FBN3: variants seen among roughly 807,000 people sequenced by gnomAD.
FBN3 encodes the protein fibrillin-3.
In FBN3, 234 loss-of-function variants were observed where a neutral mutation model predicts 330.1. That is an observed-to-expected ratio of 0.71 (90% CI 0.64 to 0.79). The LOEUF is 0.79. Among genes scored for constraint, FBN3 ranks in the 30% least tolerant of loss-of-function variants. The probability of loss-of-function intolerance (pLI) is 0.00; values close to 1 mark genes in which losing one functional copy is unlikely to be tolerated. For synonymous variants in FBN3, 1,458 were observed against 1,517.3 expected (o/e 0.96, Z 0.91); for missense variants, 3,606 against 3,886.9 (o/e 0.93, Z 1.92).
chr19:8,117,031 C>A, intron 28 of FBN3, 138 bp downstream of exon 28: 5 of 1,385,026 alleles, frequency 3.6e-6, no homozygotes, highest in Non-Finnish European at 4.9e-6. Context: ...GGGGCCAGGA[C>A]CACAGGCCAG....
chr19:8,083,144 C>T (rs560028644), intron 57 of FBN3, 103 bp downstream of exon 57: 2 of 1,404,552 alleles, frequency 1.4e-6, no homozygotes, highest in Non-Finnish European at 2.0e-6. Flanking sequence ...TAAATGAAAG[C>T]CTAACATTGC....
Position 8,112,115 on chromosome 19 carries a change from G to A in FBN3, c.3839-16C>T. 6.2e-7 allele frequency: 1 copy of A among 1,610,486 alleles called. No homozygotes were observed. Among genetic ancestry groups the A allele is most frequent in the Non-Finnish European group, 8.5e-7 (1 of 1,177,954 alleles). On this transcript the variant is annotated splice_polypyrimidine_tract_variant and intron_variant, in intron 30 of 63. Coordinates refer to ENST00000600128, the MANE Select transcript of FBN3 (RefSeq NM_032447.5). ...TCATCCACATCTAAAGGGAGAGGAGGCACGACGCCAAGACCCAGTCACAGA... is the reference window on the plus strand; with the variant it reads ...TCATCCACATCTAAAGGGAGAGGAGACACGACGCCAAGACCCAGTCACAGA...
chr19:8,074,422 G>A (rs972319628), intron 61 of FBN3, among the ~76,000 whole-genome samples: 1 of 152,162 alleles, frequency 6.6e-6, no homozygotes, highest in Non-Finnish European at 1.5e-5. Flanking sequence ...ACATCACAAA[G>A]GCCACAGGAG....
intron 41 of FBN3, among the ~76,000 whole-genome samples, chr19:8,099,276 ATTTTT>A (rs386388494): frequency 0.018 from 1,744 of 98,872 alleles, 36 homozygotes; most frequent in African/African-American, 0.051. Flanking sequence ...TCATGGTTTG[ATTTTT>A]TTTTTTTTTT....
At chr19:8,117,769 T>A (rs1205465980) in intron 26 of FBN3, among the ~76,000 whole-genome samples, 180 bp from the exon 27 acceptor site, 4 of 152,002 alleles carry the variant, frequency 2.6e-5, no homozygotes, top group Admixed American at 2.6e-4. Flanking sequence ...CACTCTCCTA[T>A]AAGCACAGAC....
chr19:8,114,559 A>T lies in FBN3; in HGVS notation c.3838+956T>A, dbSNP rs566294535. Among the ~76,000 whole-genome samples the T allele has an allele frequency of 2.1e-3, 321 of 151,898 alleles. 1 individual carries two copies. Among genetic ancestry groups the T allele is most frequent in the Non-Finnish European group, 3.9e-3 (265 of 67,944 alleles). The stretch of plus-strand genomic sequence containing the variant: ...TACCCTGCCCAGGCTAATTTTTAAA[A>T]TTTTTAATATAGATGGGGTTGCTGT... On this transcript the variant is annotated intron_variant, in intron 30 of 63. Transcript: ENST00000600128.
At position 8,131,868 on chromosome 19, in the gene FBN3, T is replaced by C. The variant is rs772104352; in HGVS notation, c.1715-39A>G. ...GGCGGCACGGGGATGGGTTCCAGCG[T>C]GCTCCCTTCCTCTCTCCCCTCCCCA... is the stretch of plus-strand genomic sequence containing the variant. On this transcript the variant is annotated intron_variant, in intron 14 of 63. Coordinates refer to ENST00000600128, the MANE Select transcript of FBN3 (RefSeq NM_032447.5). This position sits in a 1 kb window ranked among gnomAD's most constrained non-coding sequence, Gnocchi z 4.5. 1.3e-6 allele frequency: 2 copies of C among 1,517,188 alleles called. No homozygotes were observed. The highest frequency in any genetic ancestry group is 2.8e-5 in the African/African-American group (2 of 72,474). 94.0% of individuals were successfully genotyped at this position (1,517,188 alleles called of 1,614,324 possible).
Position 8,132,996 on chromosome 19 carries a change from G to T in FBN3, c.1702C>A (p.His568Asn). 6.4e-7 allele frequency: 1 copy of T among 1,563,252 alleles called. No individual in the cohort carries two copies. The change falls in exon 14 of 64, where the codon CAC becomes AAC. Residue 568 changes from histidine to asparagine, a missense_variant. Transcript: ENST00000600128. The part of the protein sequence containing the change: ...KPGFLLAPGG[H>N]YCMDIDECQT... ...GCTCCAGGCTCACCCATGCAGTAGT[G>T]GCCGCCAGGCGCCAGCAGGAAGCCG...
At chr19:8,100,154 C>G (rs556149678) in intron 41 of FBN3, among the ~76,000 whole-genome samples, 123 of 152,200 alleles carry the variant, frequency 8.1e-4, no homozygotes, top group African/African-American at 2.8e-3. Context: ...CTAGAACCGT[C>G]AGATTCACAG....
At chr19:8,141,384 A>T (rs867124210) in intron 8 of FBN3, among the ~76,000 whole-genome samples, 1 of 146,512 alleles carries the variant, frequency 6.8e-6, no homozygotes, top group Admixed American at 6.8e-5. Context: ...AAAAAAAAAA[A>T]AGAGAGAGAC....
rs756745635 is a variant in FBN3 at position 8,126,344 on chromosome 19, G to A, written c.2558C>T (p.Pro853Leu). 3 of 1,590,460 alleles carry A rather than the reference G, an allele frequency of 1.9e-6. No individual in the cohort carries two copies. The highest frequency in any genetic ancestry group is 2.7e-5 in the African/African-American group (2 of 74,854). Residue 853 changes from proline (P) to leucine (L), a missense_variant, in exon 21 of 64, where the codon CCT (proline) becomes CTT (leucine). Pro to Leu is a moderately conservative substitution (Grantham distance 98). Coordinates refer to ENST00000600128, the MANE Select transcript of FBN3 (RefSeq NM_032447.5). ...GSPCERCEID[P>L]ACARGFARMT... ...CCGGGCAAAGCCCCGGGCACAGGCA[G>A]GGTCTGCAACTGGGAGAACAAGAGT...
At chr19:8,142,960 G>A (rs59201833) in intron 6 of FBN3, among the ~76,000 whole-genome samples, 39,017 of 150,638 alleles carry the variant, frequency 0.26, 5,325 homozygotes, top group South Asian at 0.47. Context: ...TCAAACCCAG[G>A]TCACTTCCCC....
Position 8,091,570 on chromosome 19 carries a change from C to T in FBN3, c.5926G>A (p.Glu1976Lys). ...GTGCCAAAGAGGCAGAGGTTGGGCT[C>T]CTCTGAGCACTCGTCGATATCTGGA... Reference protein sequence around the residue: ...HCIDIDECSEEPNLCLFGTCT... With the variant: ...HCIDIDECSEKPNLCLFGTCT... Residue 1976 changes from glutamate (E) to lysine (K), a missense_variant, in exon 48 of 64, where the codon GAG (glutamate) becomes AAG (lysine). Glu to Lys is a moderately conservative substitution (Grantham distance 56, BLOSUM62 1). Transcript: ENST00000600128. 1 of 1,614,032 alleles carries T rather than the reference C, an allele frequency of 6.2e-7. No individual in the cohort carries two copies. The highest frequency in any genetic ancestry group is 8.5e-7 in the Non-Finnish European group (1 of 1,179,946).
At chr19:8,082,349 GTCTC>G (rs902843529) in intron 57 of FBN3, among the ~76,000 whole-genome samples, 328 of 129,040 alleles carry the variant, frequency 2.5e-3, no homozygotes, top group African/African-American at 8.8e-3. Context: ...CTTTCTTTTT[GTCTC>G]TCTCTCTTTC....
In FBN3 at chr19:8,133,020, C is replaced by G; in HGVS notation, c.1678G>C (p.Gly560Arg). The change falls in exon 14 of 64, where the codon GGC becomes CGC. Residue 560 changes from glycine (G) to arginine (R), a missense_variant. Physicochemically the swap from Gly to Arg is moderately radical, Grantham distance 125. Coordinates refer to ENST00000600128, the MANE Select transcript of FBN3 (RefSeq NM_032447.5). ...TGGCCGCCAGGCGCCAGCAGGAAGC[C>G]GGGTTTGCAGAGGCAGGAGAAGCTG... ...DGSFSCLCKP[G>R]FLLAPGGHYC... 2 of 1,582,622 alleles carry G rather than the reference C, an allele frequency of 1.3e-6. No individual in the cohort carries two copies. Among genetic ancestry groups the G allele is most frequent in the Non-Finnish European group, 1.7e-6 (2 of 1,166,580 alleles).
intron 25 of FBN3, among the ~76,000 whole-genome samples, chr19:8,120,960 C>A (rs2082832906): frequency 6.6e-6 from 1 of 152,172 alleles, no homozygotes; most frequent in South Asian, 2.1e-4. Context: ...GGCCTCATAA[C>A]CGGCAGTATT....
Position 8,093,722 on chromosome 19 carries a change from G to A in FBN3, c.5905+724C>T, listed in dbSNP as rs182309219. On this transcript the variant is annotated intron_variant, in intron 47 of 63. Transcript: ENST00000600128. ...GAATCTCTTGAACCCGGGAGGTGGC[G>A]GTTGCAGTGAGCTGAGAGTGAGACT... Among the ~76,000 whole-genome samples the A allele has an allele frequency of 1.1e-3, 164 of 152,246 alleles. 1 individual carries two copies. Among genetic ancestry groups the A allele is most frequent in the African/African-American group, 3.6e-3 (148 of 41,524 alleles).
chr19:8,106,576 T>C (rs2082442243), intron 37 of FBN3, among the ~76,000 whole-genome samples: 1 of 151,948 alleles, frequency 6.6e-6, no homozygotes, highest in Non-Finnish European at 1.5e-5. Flanking sequence ...GGAGGATGGA[T>C]GAATGGATGG....
At chr19:8,138,640 C>T (rs1457197028) in intron 8 of FBN3, 76 bp from the exon 9 acceptor site, 2 of 1,447,592 alleles carry the variant, frequency 1.4e-6, no homozygotes, top group Admixed American at 2.1e-5. Flanking sequence ...CCAGCTGTAG[C>T]AGCACTGCCT....
Sources: allele counts gnomAD v4.1 joint callset (sites outside exome capture counted in the v4.1 genomes callset), GRCh38; gene constraint gnomAD v4.1.1; non-coding constraint Gnocchi (gnomAD v3.1); transcripts MANE v1.5; gene names NCBI Gene and HGNC (gene_info 2026-07-23, HGNC 2026-07-21).